The following WDFY2 variants were observed in gnomAD, a reference collection of about 807,000 sequenced individuals.
WDFY2 encodes the protein WD repeat and FYVE domain containing 2, also known as WD repeat and FYVE domain-containing protein 2.
In WDFY2, 36 loss-of-function variants were observed where a neutral mutation model predicts 56.4. The ratio of observed to expected loss-of-function variants is 0.64; its 90% CI spans 0.49 to 0.84. WDFY2 has a LOEUF of 0.84. Ranked by LOEUF, WDFY2 falls within the 40% of genes least tolerant of loss-of-function variation. The probability of loss-of-function intolerance (pLI) is 0.00; values close to 1 mark genes in which losing one functional copy is unlikely to be tolerated. For missense variants in WDFY2, 444 were observed against 512.2 expected (o/e 0.87, Z 1.29); for synonymous variants, 176 against 183.7 (o/e 0.96, Z 0.34).
At chr13:51,637,178 A>AT (rs1477736860) in intron 1 of WDFY2, among the ~76,000 whole-genome samples, 1 of 152,202 alleles carries the variant, frequency 6.6e-6, no homozygotes, top group African/African-American at 2.4e-5. Flanking sequence ...GTGCAGGGAC[A>AT]TAGAGGTATG....
At chr13:51,613,957 C>T (rs549043024) in intron 1 of WDFY2, among the ~76,000 whole-genome samples, 7 of 151,962 alleles carry the variant, frequency 4.6e-5, no homozygotes, top group Non-Finnish European at 7.4e-5. Context: ...GAGGCTGAGG[C>T]GAGTGGATCA....
intron 2 of WDFY2, among the ~76,000 whole-genome samples, chr13:51,668,507 G>A (rs1338922642): frequency 6.6e-6 from 1 of 152,130 alleles, no homozygotes; most frequent in African/African-American, 2.4e-5. Context: ...CTAAATATAG[G>A]TATGCTTAAT....
chr13:51,721,275 T>C (rs1952483662), intron 5 of WDFY2, among the ~76,000 whole-genome samples: 1 of 152,142 alleles, frequency 6.6e-6, no homozygotes, highest in Non-Finnish European at 1.5e-5. Flanking sequence ...CTCCTGTTTT[T>C]TTCCCATTAT....
At chr13:51,612,762 T>A (rs75377295) in intron 1 of WDFY2, among the ~76,000 whole-genome samples, 2 of 152,232 alleles carry the variant, frequency 1.3e-5, no homozygotes, top group South Asian at 2.1e-4. Context: ...TGTCCTTCTT[T>A]GTTGACTTTC....
chr13:51,659,848 A>T (rs1384331375), intron 1 of WDFY2, among the ~76,000 whole-genome samples: 2 of 152,208 alleles, frequency 1.3e-5, no homozygotes, highest in Non-Finnish European at 2.9e-5. Flanking sequence ...AAGACCATGG[A>T]CTGTATAATC....
intron 1 of WDFY2, chr13:51,588,804 T>C (rs1370912324): frequency 6.6e-6 from 1 of 152,184 alleles, no homozygotes; most frequent in Non-Finnish European, 1.5e-5. Flanking sequence ...AATTAGTGTC[T>C]GCAGGAGGAG....
At chr13:51,754,434 T>G (rs927530994) in intron 8 of WDFY2, among the ~76,000 whole-genome samples, 6 of 152,216 alleles carry the variant, frequency 3.9e-5, no homozygotes, top group African/African-American at 1.4e-4. Flanking sequence ...CAAACAGCTG[T>G]ACTCATTTAT....
At chr13:51,727,109 A>G (rs886688045) in intron 5 of WDFY2, among the ~76,000 whole-genome samples, 48 of 152,296 alleles carry the variant, frequency 3.2e-4, no homozygotes, top group African/African-American at 9.6e-4. Flanking sequence ...CCAAATGGCT[A>G]TCCAGTTTGT....
chr13:51,685,562 A>T (rs1037927611), intron 3 of WDFY2, among the ~76,000 whole-genome samples: 1 of 152,152 alleles, frequency 6.6e-6, no homozygotes, highest in Admixed American at 6.6e-5. Context: ...TGACTAAGAA[A>T]ATCATAAGGA....
chr13:51,605,823 TG>T (rs1954375770), intron 1 of WDFY2, among the ~76,000 whole-genome samples: 1 of 152,222 alleles, frequency 6.6e-6, no homozygotes. Flanking sequence ...ATGTTCTCCT[TG>T]GGGACGAATG....
At chr13:51,707,128 G>C (rs1223970724) in intron 4 of WDFY2, among the ~76,000 whole-genome samples, 3 of 152,208 alleles carry the variant, frequency 2.0e-5, no homozygotes, top group African/African-American at 7.2e-5. Context: ...AGATGGATTT[G>C]ATGTCTATGG....
chr13:51,606,955 C>G (rs749092654), intron 1 of WDFY2, among the ~76,000 whole-genome samples: 4 of 152,152 alleles, frequency 2.6e-5, no homozygotes, highest in African/African-American at 4.8e-5. Context: ...CCCTTCAGTA[C>G]CAGCCGTCAC....
chr13:51,601,966 C>T (rs540587772), intron 1 of WDFY2, among the ~76,000 whole-genome samples: 1 of 152,352 alleles, frequency 6.6e-6, no homozygotes, highest in South Asian at 2.1e-4. Flanking sequence ...ACCCCTAAGA[C>T]ATTCCTTTTA....
chr13:51,611,306 T>G (rs1276773436), intron 1 of WDFY2, among the ~76,000 whole-genome samples: 3 of 152,228 alleles, frequency 2.0e-5, no homozygotes, highest in Non-Finnish European at 4.4e-5. Flanking sequence ...TTGAAGAATA[T>G]GTATAGTCAC....
At chr13:51,612,639 C>T (rs1337627915) in intron 1 of WDFY2, among the ~76,000 whole-genome samples, 1 of 152,106 alleles carries the variant, frequency 6.6e-6, no homozygotes, top group Non-Finnish European at 1.5e-5. Flanking sequence ...AATAACTAAC[C>T]AATGCTTTGG....
At chr13:51,684,899 C>T (rs2138526480) in intron 3 of WDFY2, among the ~76,000 whole-genome samples, 1 of 152,252 alleles carries the variant, frequency 6.6e-6, no homozygotes, top group East Asian at 1.9e-4. Context: ...AGCTGCTCCG[C>T]CGTCAGATAT....
At chr13:51,584,904 T>C (rs1953906687) in intron 1 of WDFY2, 80 bp downstream of exon 1, 2 of 1,567,254 alleles carry the variant, frequency 1.3e-6, no homozygotes, top group Non-Finnish European at 1.7e-6. Flanking sequence ...GGCTGTGCCT[T>C]CACGTCGGCG....
intron 7 of WDFY2, among the ~76,000 whole-genome samples, chr13:51,750,945 A>T (rs1953219409): frequency 6.6e-6 from 1 of 152,142 alleles, no homozygotes; most frequent in South Asian, 2.1e-4. Flanking sequence ...TAAAAGGAAA[A>T]ATCATGACTC....
intron 8 of WDFY2, among the ~76,000 whole-genome samples, chr13:51,753,892 C>T (rs1953296622): frequency 6.6e-6 from 1 of 151,492 alleles, no homozygotes; most frequent in Non-Finnish European, 1.5e-5. Flanking sequence ...TGAGACCAGC[C>T]TGGTCAACAT....
Sources: allele counts gnomAD v4.1 joint callset (sites outside exome capture counted in the v4.1 genomes callset), GRCh38; gene constraint gnomAD v4.1.1; transcripts MANE v1.5; gene names NCBI Gene and HGNC (gene_info 2026-07-23, HGNC 2026-07-21).